SGCZ: variants seen among roughly 807,000 people sequenced by gnomAD.
SGCZ encodes the protein zeta-sarcoglycan.
SGCZ carries 40 observed loss-of-function variants against 41.3 expected under a neutral mutation model. The observed-to-expected ratio is 0.97, with a 90% CI of 0.75 to 1.26. The LOEUF is 1.26. SGCZ is among the 50% of genes most tolerant of loss of function. The pLI is 0.00. For missense variants in SGCZ, 552 were observed against 369.8 expected (o/e 1.49, Z -4.04); for synonymous variants, 206 against 137.5 (o/e 1.50, Z -3.49).
chr8:14,270,291 C>A (rs1159604118), intron 3 of SGCZ, among the ~76,000 whole-genome samples: 1 of 152,036 alleles, frequency 6.6e-6, no homozygotes, highest in Non-Finnish European at 1.5e-5. Flanking sequence ...GAGATCATGC[C>A]ACTGCACTCC....
intron 1 of SGCZ, among the ~76,000 whole-genome samples, chr8:15,026,552 A>C (rs1041275606): frequency 3.9e-5 from 6 of 152,210 alleles, no homozygotes; most frequent in Non-Finnish European, 8.8e-5. Context: ...TGTATTGTCA[A>C]CGCTGTAATC....
chr8:14,524,410 G>T (rs1195953874), intron 2 of SGCZ, among the ~76,000 whole-genome samples: 1 of 151,984 alleles, frequency 6.6e-6, no homozygotes, highest in African/African-American at 2.4e-5. Flanking sequence ...TCCTAGTGGA[G>T]AAGGTTTGAA....
At chr8:14,839,420 T>A (rs1261783046) in intron 1 of SGCZ, among the ~76,000 whole-genome samples, 2 of 152,140 alleles carry the variant, frequency 1.3e-5, no homozygotes, top group Admixed American at 1.3e-4. Flanking sequence ...CTCTGTAGTA[T>A]AGATGTCAAG....
chr8:14,798,266 T>C (rs139482367), intron 1 of SGCZ, among the ~76,000 whole-genome samples: 1 of 152,170 alleles, frequency 6.6e-6, no homozygotes, highest in Non-Finnish European at 1.5e-5. Context: ...ATGAAGAAAG[T>C]ATACAAGTCC....
chr8:14,929,920 T>C (rs1446221545), intron 1 of SGCZ, among the ~76,000 whole-genome samples: 2 of 152,018 alleles, frequency 1.3e-5, no homozygotes, highest in African/African-American at 4.8e-5. Flanking sequence ...AATCATATTA[T>C]TGAGTTTTTA....
At chr8:14,402,385 A>T (rs1245896813) in intron 2 of SGCZ, among the ~76,000 whole-genome samples, 1 of 151,708 alleles carries the variant, frequency 6.6e-6, no homozygotes, top group African/African-American at 2.4e-5. Flanking sequence ...CTGAATGGTA[A>T]TGCCTAGGTT....
chr8:15,219,936 G>A (rs1801535603), intron 1 of SGCZ, among the ~76,000 whole-genome samples: 1 of 152,152 alleles, frequency 6.6e-6, no homozygotes, highest in African/African-American at 2.4e-5. Flanking sequence ...ATACTTTGAT[G>A]GTAGTTGTAA....
chr8:15,074,604 G>T (rs988516068), intron 1 of SGCZ, among the ~76,000 whole-genome samples: 4 of 151,822 alleles, frequency 2.6e-5, no homozygotes, highest in African/African-American at 9.7e-5. Flanking sequence ...ATACCTCCTT[G>T]CTTGCTTTCT....
At chr8:14,165,099 G>A (rs1804168120) in intron 4 of SGCZ, 1 of 179,516 alleles carries the variant, frequency 5.6e-6, no homozygotes, top group South Asian at 1.2e-4. Context: ...TACCTCTGCA[G>A]TGTAGACAAT....
intron 1 of SGCZ, among the ~76,000 whole-genome samples, chr8:14,868,955 C>A (rs1050870403): frequency 2.8e-4 from 43 of 152,006 alleles, no homozygotes; most frequent in Admixed American, 1.6e-3. Context: ...TAATAACTTA[C>A]CAACCAAAAA....
intron 3 of SGCZ, among the ~76,000 whole-genome samples, chr8:14,273,438 T>C (rs1031594657): frequency 6.6e-6 from 1 of 152,098 alleles, no homozygotes; most frequent in African/African-American, 2.4e-5. Flanking sequence ...ATCCCTCAGA[T>C]GGACAAACAA....
chr8:14,914,548 A>G (rs944064066), intron 1 of SGCZ, among the ~76,000 whole-genome samples: 9 of 152,320 alleles, frequency 5.9e-5, no homozygotes, highest in African/African-American at 2.2e-4. Context: ...AATGCATTTA[A>G]AAAAGGCTTA....
chr8:14,652,346 A>AAGGGGGGGG (rs201135943), intron 1 of SGCZ, among the ~76,000 whole-genome samples: 1 of 50,744 alleles, frequency 2.0e-5, no homozygotes, highest in Admixed American at 2.7e-4. Context: ...AAAAAAAAAA[A>AAGGGGGGGG]GGGGGGGGTG....
chr8:14,253,069 A>C (rs1427001), intron 3 of SGCZ, among the ~76,000 whole-genome samples: 1 of 151,708 alleles, frequency 6.6e-6, no homozygotes, highest in Non-Finnish European at 1.5e-5. Flanking sequence ...ATGAAAAATA[A>C]ATAAAAGAAG....
intron 3 of SGCZ, among the ~76,000 whole-genome samples, chr8:14,301,836 A>G (rs1801201046): frequency 6.6e-6 from 1 of 150,638 alleles, no homozygotes; most frequent in Non-Finnish European, 1.5e-5. Context: ...TTATTCATCT[A>G]TCTCTTTTAG....
intron 1 of SGCZ, among the ~76,000 whole-genome samples, chr8:14,881,480 G>T (rs1804587599): frequency 6.6e-6 from 1 of 152,110 alleles, no homozygotes; most frequent in South Asian, 2.1e-4. Context: ...AAAAGATGCA[G>T]ATTGCAGCAG....
intron 5 of SGCZ, among the ~76,000 whole-genome samples, chr8:14,163,984 G>T (rs949931473): frequency 1.3e-5 from 2 of 152,094 alleles, no homozygotes; most frequent in African/African-American, 4.8e-5. Flanking sequence ...GCTTAAAATT[G>T]TCATCAAATT....
intron 5 of SGCZ, among the ~76,000 whole-genome samples, chr8:14,161,796 G>C (rs1217290080): frequency 6.6e-6 from 1 of 152,074 alleles, no homozygotes; most frequent in Non-Finnish European, 1.5e-5. Flanking sequence ...GCATATATTT[G>C]AGACAGAGAA....
chr8:15,000,343 T>C (rs1001712983), intron 1 of SGCZ, among the ~76,000 whole-genome samples: 2 of 152,182 alleles, frequency 1.3e-5, no homozygotes, highest in African/African-American at 4.8e-5. Context: ...AAAGCCTTCA[T>C]GAATGGACCA....
Sources: gnomAD v4.1 joint callset for allele counts (sites outside exome capture counted in the v4.1 genomes callset) on GRCh38, gnomAD v4.1.1 for gene constraint, MANE v1.5 for transcripts, NCBI Gene and HGNC (gene_info 2026-07-23, HGNC 2026-07-21) for gene names.